Variants in CCDC110 observed in about 807,000 individuals in gnomAD.
CCDC110 encodes the protein coiled-coil domain containing 110.
CCDC110 carries 70 observed loss-of-function variants against 77.1 expected under a neutral mutation model. The ratio of observed to expected loss-of-function variants is 0.91; its 90% CI spans 0.75 to 1.11. CCDC110 has a LOEUF of 1.11. CCDC110 is among the 50% of genes least tolerant of loss of function. The pLI is 0.00. For synonymous variants in CCDC110, 295 were observed against 312.5 expected, an observed-to-expected ratio of 0.94 and a Z score of 0.59; for missense variants, 868 against 942.9, an observed-to-expected ratio of 0.92 and a Z score of 1.04.
Position 185,459,272 on chromosome 4 carries a change from C to T in CCDC110, c.1315G>A (p.Val439Met), listed in dbSNP as rs145767821. 2.2e-5 allele frequency: 36 copies of T among 1,613,248 alleles called. No individual in the cohort carries two copies. In the East Asian group the frequency reaches 7.8e-4, roughly 35 times the overall value. ...TCCATTACTTTTTTCTGTATCTGCA[C>T]AGATTCTTTTAGGTAATTCTGTAAG... is the stretch of plus-strand genomic sequence containing the variant. ...QYLQNYLKES[V>M]QIQKKVMELE... is the part of the protein sequence containing the mutation. Residue 439 changes from valine to methionine, a missense_variant, in exon 6 of 7, where the codon GTG becomes ATG. Val to Met is a conservative substitution (Grantham distance 21, BLOSUM62 1). Transcript: ENST00000307588.
chr4:185,462,800 A>G, intron 3 of CCDC110, 92 bp from the exon 4 acceptor site: 1 of 1,222,388 alleles, frequency 8.2e-7, no homozygotes, highest in Admixed American at 1.8e-5. Flanking sequence ...AAAGTTGCCT[A>G]TTACTTGAAA....
At chr4:185,445,980 T>C (rs1240960146) in intron 6 of CCDC110, among the ~76,000 whole-genome samples, 2 of 152,170 alleles carry the variant, frequency 1.3e-5, no homozygotes, top group Admixed American at 1.3e-4. Flanking sequence ...TAGCTGGGAT[T>C]ACAGGCATGC....
At chr4:185,460,528 C>T (rs1034785710) in intron 5 of CCDC110, among the ~76,000 whole-genome samples, 1 of 152,210 alleles carries the variant, frequency 6.6e-6, no homozygotes, top group African/African-American at 2.4e-5. Flanking sequence ...CTTCAAGAGG[C>T]TGTCATAGGT....
At chr4:185,456,671 G>A (rs2095636470) in intron 6 of CCDC110, among the ~76,000 whole-genome samples, 1 of 152,002 alleles carries the variant, frequency 6.6e-6, no homozygotes, top group East Asian at 1.9e-4. Flanking sequence ...AAATTCCTCA[G>A]AACATACAAA....
Position 185,458,779 on chromosome 4 carries a change from C to T in CCDC110, c.1808G>A (p.Gly603Glu), listed in dbSNP as rs1183836457. 1 of 1,610,412 alleles carries T rather than the reference C, an allele frequency of 6.2e-7. No homozygotes were observed. The highest frequency in any genetic ancestry group is 8.5e-7 in the Non-Finnish European group (1 of 1,179,216). ...HQLLKEKSSL[G>E]NELKESQLEI... ...TAGCTGGCTTTCTTTTAGTTCATTT[C>T]CAAGTGAGCTTTTTTCTTTTAGAAG... The change falls in exon 6 of 7, where the codon GGA becomes GAA. Residue 603 changes from glycine (G) to glutamate (E), a missense_variant. Gly to Glu is a moderately conservative substitution (Grantham distance 98). Coordinates refer to ENST00000307588, the MANE Select transcript of CCDC110 (RefSeq NM_152775.4).
At chr4:185,462,791 A>G in intron 3 of CCDC110, 83 bp from the exon 4 acceptor site, 2 of 1,274,656 alleles carry the variant, frequency 1.6e-6, no homozygotes, top group Non-Finnish European at 2.3e-6. Flanking sequence ...ATGTCTCCCA[A>G]AGTTGCCTAT....
At chr4:185,448,106 T>C (rs2095619612) in intron 6 of CCDC110, among the ~76,000 whole-genome samples, 1 of 151,622 alleles carries the variant, frequency 6.6e-6, no homozygotes, top group South Asian at 2.1e-4. Context: ...CTGCAACCTC[T>C]GCCTCCCAGG....
At chr4:185,471,356 C>CGGGGCGGAGGGAT (rs1302408323) in intron 1 of CCDC110, among the ~76,000 whole-genome samples, 149 of 23,894 alleles carry the variant, frequency 6.2e-3, no homozygotes, top group Non-Finnish European at 9.5e-3. Flanking sequence ...AAGGCTGGGG[C>CGGGGCGGAGGGAT]GGGGCGGAGG....
At position 185,470,956 on chromosome 4, in the gene CCDC110, C is replaced by A. The variant is rs1156253642; in HGVS notation, c.104G>T (p.Cys35Phe). 6.2e-7 allele frequency: 1 copy of A among 1,610,498 alleles called. No homozygotes were observed. Among genetic ancestry groups the A allele is most frequent in the Admixed American group, 1.7e-5 (1 of 59,834 alleles). The change falls in exon 2 of 7, where the codon TGC becomes TTC. Residue 35 changes from cysteine (C) to phenylalanine (F), a missense_variant. Cys to Phe is a radical substitution (Grantham distance 205). Coordinates refer to ENST00000307588, the MANE Select transcript of CCDC110 (RefSeq NM_152775.4). ...NSSEGVKESG[C>F]SDTEYGCIAE... is the part of the protein sequence containing the mutation. ...TCTGGCGATTTTACCTGTGTCACTG[C>A]AGCCACTTTCCTTCACCCCCTCCGA...
At chr4:185,455,097 C>T (rs1158038102) in intron 6 of CCDC110, among the ~76,000 whole-genome samples, 1 of 152,140 alleles carries the variant, frequency 6.6e-6, no homozygotes, top group Admixed American at 6.5e-5. Context: ...CACTGGGATT[C>T]AGCAGTAAAC....
chr4:185,470,623 C>G (rs778272447), intron 2 of CCDC110: 3 of 496,510 alleles, frequency 6.0e-6, no homozygotes, highest in Admixed American at 4.6e-5. Flanking sequence ...GTGGTGAAGA[C>G]AGGCAGTCCG....
intron 6 of CCDC110, among the ~76,000 whole-genome samples, chr4:185,450,114 T>C (rs2095626559): frequency 6.6e-6 from 1 of 152,224 alleles, no homozygotes; most frequent in South Asian, 2.1e-4. Context: ...TCCATTTATA[T>C]TATTACGTAG....
Position 185,458,992 on chromosome 4 carries a change from A to G in CCDC110, c.1595T>C (p.Leu532Pro), listed in dbSNP as rs2095640883. The G allele has an allele frequency of 6.2e-7, 1 of 1,602,360 alleles. No individual in the cohort carries two copies. Among genetic ancestry groups the G allele is most frequent in the South Asian group, 1.1e-5 (1 of 88,704 alleles). ...NKTLEEKNIQ[L>P]SLEKQQMMEA... is the part of the protein sequence containing the mutation. ...CATCATTTGTTGCTTCTCTAAAGAA[A>G]GTTGTATATTTTTTTCCTCTAGAGT... Residue 532 changes from leucine to proline, a missense_variant, in exon 6 of 7, where the codon CTT becomes CCT. Coordinates refer to ENST00000307588, the MANE Select transcript of CCDC110 (RefSeq NM_152775.4).
chr4:185,447,423 A>C (rs578091451), intron 6 of CCDC110, among the ~76,000 whole-genome samples: 1 of 151,804 alleles, frequency 6.6e-6, no homozygotes, highest in Admixed American at 6.6e-5. Flanking sequence ...CTCGTGATCC[A>C]CCCACCTTGG....
intron 6 of CCDC110, among the ~76,000 whole-genome samples, chr4:185,448,748 A>G (rs1488724822): frequency 2.0e-5 from 3 of 152,106 alleles, no homozygotes; most frequent in African/African-American, 7.2e-5. Flanking sequence ...TTTCCTCACC[A>G]CACCCACCCT....
intron 6 of CCDC110, among the ~76,000 whole-genome samples, chr4:185,456,514 A>G (rs1432070299): frequency 2.0e-5 from 3 of 152,190 alleles, no homozygotes; most frequent in Admixed American, 1.3e-4. Context: ...TCTAGCAAGA[A>G]TAATAAAGAA....
chr4:185,448,738 T>A (rs2095622137), intron 6 of CCDC110, among the ~76,000 whole-genome samples: 1 of 152,156 alleles, frequency 6.6e-6, no homozygotes, highest in East Asian at 1.9e-4. Context: ...AAATTAGAAT[T>A]TTCCTCACCA....
chr4:185,470,302 G>A (rs909472496), intron 2 of CCDC110, among the ~76,000 whole-genome samples: 1 of 152,056 alleles, frequency 6.6e-6, no homozygotes, highest in South Asian at 2.1e-4. Flanking sequence ...ATACAAAATG[G>A]GGTAGTATTT....
Position 185,471,700 on chromosome 4 carries a change from T to C in CCDC110, c.-17A>G, listed in dbSNP as rs1017164533. On this transcript the variant is annotated 5_prime_UTR_variant, in exon 1 of 7. Coordinates refer to ENST00000307588, the MANE Select transcript of CCDC110 (RefSeq NM_152775.4). The stretch of plus-strand genomic sequence containing the variant: ...CGGGCTCATCGCCGCGGCTCATCTC[T>C]CTCGCAACCGCCGCCGCACGCACCC... 3.2e-5 allele frequency: 50 copies of C among 1,541,092 alleles called. No homozygotes were observed. The highest frequency in any genetic ancestry group is 4.4e-5 in the Non-Finnish European group (50 of 1,148,006).
Sources: allele counts gnomAD v4.1 joint callset (sites outside exome capture counted in the v4.1 genomes callset), GRCh38; gene constraint gnomAD v4.1.1; transcripts MANE v1.5; gene names NCBI Gene and HGNC (gene_info 2026-07-23, HGNC 2026-07-21).